Variants in TGIF1 observed in about 807,000 individuals in gnomAD.
The protein encoded by TGIF1 is TGFB induced factor homeobox 1.
TGIF1 carries 4 observed loss-of-function variants against 19.3 expected under a neutral mutation model. That is an observed-to-expected ratio of 0.21 (90% confidence interval 0.10 to 0.47). The LOEUF (loss-of-function observed/expected upper bound fraction) is 0.47. TGIF1 is among the 20% of genes least tolerant of loss of function. The pLI is 0.98. For synonymous variants in TGIF1, 122 were observed against 129.3 expected (o/e 0.94, Z 0.38); for missense variants, 275 against 341.4 (o/e 0.81, Z 1.53).
At chr18:3,452,281 A>G in intron 1 of TGIF1, 1 of 1,610,764 alleles carries the variant, frequency 6.2e-7, no homozygotes, top group Non-Finnish European at 8.5e-7. Flanking sequence ...CTGGGGACCA[A>G]GGCTGGGCCC....
At chr18:3,438,596 A>AACACCACACACACACACACACACAC (rs2082643781) in intron 2 of TGIF1, among the ~76,000 whole-genome samples, 2 of 136,002 alleles carry the variant, frequency 1.5e-5, no homozygotes. Context: ...CATACACACA[A>AACACCACACACACACACACACACAC]ACACACACAC....
At chr18:3,448,160 A>C (rs1207735503), upstream of TGIF1, 5 of 985,088 alleles carry the variant, frequency 5.1e-6, no homozygotes, top group African/African-American at 8.7e-5. Flanking sequence ...CCGCTTTCGA[A>C]GTTAGCAAAC....
At chr18:3,429,231 AT>A (rs963597715) in intron 2 of TGIF1, among the ~76,000 whole-genome samples, 9 of 149,648 alleles carry the variant, frequency 6.0e-5, no homozygotes, top group Non-Finnish European at 1.0e-4. Flanking sequence ...TAATTTTGTA[AT>A]TTTTTTTTTG....
chr18:3,445,755 A>G (rs2082735367), upstream of TGIF1, among the ~76,000 whole-genome samples: 11 of 56,756 alleles, frequency 1.9e-4, no homozygotes, highest in Admixed American at 6.9e-4. Context: ...AAAAAAAAAG[A>G]GAAGAAAAGC....
intron 2 of TGIF1, among the ~76,000 whole-genome samples, chr18:3,422,673 C>CTTTTT (rs869116407): frequency 1.2e-4 from 3 of 24,660 alleles, no homozygotes; most frequent in Non-Finnish European, 4.9e-4. Flanking sequence ...TATAGGTGGC[C>CTTTTT]TTTTTTTTTT....
At chr18:3,438,596 AAC>A (rs56864804) in intron 2 of TGIF1, among the ~76,000 whole-genome samples, 2,688 of 135,972 alleles carry the variant, frequency 0.02, 68 homozygotes, top group Middle Eastern at 0.076. Context: ...CATACACACA[AAC>A]ACACACACAC....
chr18:3,447,719 A>G, upstream of TGIF1: 1 of 1,614,156 alleles, frequency 6.2e-7, no homozygotes, highest in Non-Finnish European at 8.5e-7. Flanking sequence ...GTGCCTCGCC[A>G]GCTTTAACAA....
chr18:3,424,980 G>A (rs2082448775), intron 2 of TGIF1, among the ~76,000 whole-genome samples: 1 of 152,210 alleles, frequency 6.6e-6, no homozygotes, highest in Non-Finnish European at 1.5e-5. Flanking sequence ...TCTGTGAGCT[G>A]CTCTAGCAAA....
intron 2 of TGIF1, among the ~76,000 whole-genome samples, chr18:3,445,048 T>C (rs2082722085): frequency 6.6e-6 from 1 of 152,158 alleles, no homozygotes; most frequent in South Asian, 2.1e-4. Context: ...TGTCACTAAA[T>C]ATCCTACAAT....
intron 2 of TGIF1, among the ~76,000 whole-genome samples, chr18:3,443,839 A>T (rs577036760): frequency 2.0e-4 from 30 of 147,626 alleles, no homozygotes; most frequent in African/African-American, 6.1e-4. Context: ...GGCCATGAGT[A>T]CTTCTTAGGG....
At position 3,451,891 on chromosome 18, in the gene TGIF1, A is replaced by G. The variant is rs2082952362; in HGVS notation, c.16+1386A>G. 4.3e-5 allele frequency: 63 copies of G among 1,466,280 alleles called. No individual in the cohort carries two copies. The highest frequency in any genetic ancestry group is 5.6e-5 in the Non-Finnish European group (62 of 1,109,298). 90.8% of individuals were successfully genotyped at this position (1,466,280 alleles called of 1,614,324 possible). ...GAGACGCCCCGTGAAAGCCGTGCCGACCCTTGGGAGGACTGACAGGTCTAG... is the reference window on the plus strand; with the variant it reads ...GAGACGCCCCGTGAAAGCCGTGCCGGCCCTTGGGAGGACTGACAGGTCTAG... On this transcript the variant is annotated intron_variant, in intron 1 of 2. Coordinates refer to ENST00000343820, the MANE Select transcript of TGIF1 (RefSeq NM_003244.4). This position sits in a 1 kb window ranked among gnomAD's most constrained non-coding sequence, Gnocchi z 5.4.
Position 3,451,842 on chromosome 18 carries a change from G to T in TGIF1, c.16+1337G>T, listed in dbSNP as rs556176447. On this transcript the variant is annotated intron_variant, in intron 1 of 2. Coordinates refer to ENST00000343820, the MANE Select transcript of TGIF1 (RefSeq NM_003244.4). The surrounding 1 kb of genome is among the most constrained non-coding windows in gnomAD (Gnocchi z 5.4). ...GACTCGGGACAGGGAATTGGCCCTG[G>T]GAGAAAACGCGCGGGGGGCGTCCGA... 6 of 1,393,280 alleles carry T rather than the reference G, an allele frequency of 4.3e-6. No individual in the cohort carries two copies. The highest frequency in any genetic ancestry group is 6.3e-5 in the Admixed American group (2 of 31,656). 86.3% of individuals were successfully genotyped at this position (1,393,280 alleles called of 1,614,324 possible). A position where few individuals can be genotyped will look rare whatever the true frequency, so the allele number is the denominator to read the frequency against.
rs758305392 is a variant in TGIF1, at chr18:3,450,483, A to C, written c.-7A>C. 1.9e-6 allele frequency: 3 copies of C among 1,560,484 alleles called. No individual in the cohort carries two copies. In the South Asian group the frequency reaches 3.5e-5, roughly 18 times the overall value. ...GCCTTGCCTCGCGCTGGGAGGGGAG[A>C]TCCAGAATGAAAGGCAAGAAAGGTA... On this transcript the variant is annotated 5_prime_UTR_variant, in exon 1 of 3. Coordinates refer to ENST00000343820, the MANE Select transcript of TGIF1 (RefSeq NM_003244.4).
rs975013860 is a variant in TGIF1 at position 3,451,011 on chromosome 18, A to G, written c.16+506A>G. Reference sequence around the variant, plus strand: ...GCCCCCCTACTCCCAGCCGGGCCCTAGCACTGTTCTTTAGGGATGTGGTGT... The same window carrying G: ...GCCCCCCTACTCCCAGCCGGGCCCTGGCACTGTTCTTTAGGGATGTGGTGT... On this transcript the variant is annotated intron_variant, in intron 1 of 2. Transcript: ENST00000343820. This position sits in a 1 kb window ranked among gnomAD's most constrained non-coding sequence, Gnocchi z 5.4. Among the ~76,000 whole-genome samples the G allele has an allele frequency of 9.5e-6, 1 of 104,732 alleles. No homozygotes were observed. The highest frequency in any genetic ancestry group is 3.7e-5 in the African/African-American group (1 of 26,872). 68.7% of individuals were successfully genotyped at this position (104,732 alleles called of 152,430 possible). A position where few individuals can be genotyped will look rare whatever the true frequency, so the allele number is the denominator to read the frequency against.
chr18:3,451,772 G>A lies in TGIF1; in HGVS notation c.16+1267G>A. The A allele has an allele frequency of 7.9e-7, 1 of 1,257,888 alleles. No homozygotes were observed. Among genetic ancestry groups the A allele is most frequent in the Non-Finnish European group, 1.0e-6 (1 of 1,002,284 alleles). The allele number at this position is 1,257,888 out of a possible 1,614,324, so 77.9% of individuals were successfully genotyped here. On this transcript the variant is annotated intron_variant, in intron 1 of 2. Coordinates refer to ENST00000343820, the MANE Select transcript of TGIF1 (RefSeq NM_003244.4). The surrounding 1 kb of genome is among the most constrained non-coding windows in gnomAD (Gnocchi z 5.4). ...AAACTCGGATCAACTGGCAGTCGTT[G>A]TTGGTAGAACGCCCTAAGGACCCCT... is the stretch of plus-strand genomic sequence containing the variant.
At chr18:3,452,528 A>G (rs987299332) in intron 1 of TGIF1, 5 of 1,254,600 alleles carry the variant, frequency 4.0e-6, no homozygotes, top group Non-Finnish European at 5.7e-6. Context: ...GGTGGGATTC[A>G]CGGCCTCATT....
At chr18:3,448,147 A>T, upstream of TGIF1, 1 of 983,640 alleles carries the variant, frequency 1.0e-6, no homozygotes, top group Non-Finnish European at 1.2e-6. Flanking sequence ...GAGGCAGCCG[A>T]AGCCGCTTTC....
At chr18:3,449,298 G>T, upstream of TGIF1, 1 of 704,754 alleles carries the variant, frequency 1.4e-6, no homozygotes, top group East Asian at 1.3e-4. Flanking sequence ...GCACGGCGTG[G>T]TCACCCCTTA....
intron 2 of TGIF1, among the ~76,000 whole-genome samples, chr18:3,420,338 G>A (rs113907212): frequency 0.051 from 7,725 of 151,800 alleles, 624 homozygotes; most frequent in African/African-American, 0.17. Flanking sequence ...AGCCAAGATC[G>A]CGCCACTGCA....
Sources: gnomAD v4.1 joint callset for allele counts (sites outside exome capture counted in the v4.1 genomes callset) on GRCh38, gnomAD v4.1.1 for gene constraint, Gnocchi (gnomAD v3.1) non-coding constraint, MANE v1.5 for transcripts, NCBI Gene and HGNC (gene_info 2026-07-23, HGNC 2026-07-21) for gene names.